DOK5: variants seen among roughly 807,000 people sequenced by gnomAD.
DOK5 encodes the protein downstream of tyrosine kinase 5.
DOK5 carries 27 observed loss-of-function variants against 43.3 expected under a neutral mutation model. The ratio of observed to expected loss-of-function variants is 0.62; its 90% CI spans 0.46 to 0.86. The LOEUF is 0.86. Ranked by LOEUF, DOK5 falls within the 40% of genes least tolerant of loss-of-function variation. The probability of loss-of-function intolerance (pLI) is 0.00; values close to 1 mark genes in which losing one functional copy is unlikely to be tolerated. For missense variants in DOK5, 373 were observed against 392.9 expected (o/e 0.95, Z 0.43); for synonymous variants, 146 against 140.1 (o/e 1.04, Z -0.30).
intron 6 of DOK5, among the ~76,000 whole-genome samples, chr20:54,626,948 G>T (rs1052175210): frequency 6.6e-6 from 1 of 152,198 alleles, no homozygotes; most frequent in South Asian, 2.1e-4. Flanking sequence ...ATGAGTTGTT[G>T]TTCACACTGA....
chr20:54,537,921 C>A (rs929692971), intron 1 of DOK5, among the ~76,000 whole-genome samples: 1 of 149,864 alleles, frequency 6.7e-6, no homozygotes, highest in Non-Finnish European at 1.5e-5. Context: ...TTACTGCAAC[C>A]TCTGCATCCT....
chr20:54,476,399 G>A (rs946876172), intron 1 of DOK5, among the ~76,000 whole-genome samples: 1 of 152,158 alleles, frequency 6.6e-6, no homozygotes, highest in Non-Finnish European at 1.5e-5. Flanking sequence ...TTTTCCGGGG[G>A]ATGGATCGGC....
chr20:54,563,283 C>T (rs1984974306), intron 2 of DOK5, among the ~76,000 whole-genome samples: 2 of 152,174 alleles, frequency 1.3e-5, no homozygotes, highest in African/African-American at 4.8e-5. Flanking sequence ...AACGAATTCA[C>T]CTCCCGAGGC....
intron 5 of DOK5, among the ~76,000 whole-genome samples, chr20:54,607,478 TA>T (rs1986507569): frequency 6.6e-6 from 1 of 151,410 alleles, no homozygotes; most frequent in South Asian, 2.1e-4. Context: ...CCATGTACAT[TA>T]AAGAAGAATG....
At chr20:54,610,645 C>T in intron 6 of DOK5, 122 bp downstream of exon 6, 5 of 1,123,382 alleles carry the variant, frequency 4.5e-6, no homozygotes, top group Non-Finnish European at 5.8e-6. Flanking sequence ...CTCTTCTCAA[C>T]AGTGTATCAC....
At chr20:54,586,810 T>G (rs762822483) in intron 2 of DOK5, among the ~76,000 whole-genome samples, 1 of 151,882 alleles carries the variant, frequency 6.6e-6, no homozygotes, top group African/African-American at 2.4e-5. Flanking sequence ...CAGTGTCTTC[T>G]GGGAACTGAA....
intron 1 of DOK5, among the ~76,000 whole-genome samples, chr20:54,553,947 G>A (rs1269867259): frequency 6.7e-6 from 1 of 148,880 alleles, no homozygotes; most frequent in Non-Finnish European, 1.5e-5. Flanking sequence ...GTTTAAAAAT[G>A]TCTCATTTTA....
At chr20:54,569,247 T>C (rs1186131711) in intron 2 of DOK5, among the ~76,000 whole-genome samples, 1 of 152,222 alleles carries the variant, frequency 6.6e-6, no homozygotes, top group African/African-American at 2.4e-5. Context: ...TAAATTATAG[T>C]GGCAGTTCCT....
intron 5 of DOK5, among the ~76,000 whole-genome samples, chr20:54,597,737 A>G (rs548121507): frequency 6.6e-6 from 1 of 152,118 alleles, no homozygotes; most frequent in South Asian, 2.1e-4. Flanking sequence ...AGGGAGAGAA[A>G]GCATCTTTTA....
At chr20:54,492,884 T>C (rs1449855527) in intron 1 of DOK5, among the ~76,000 whole-genome samples, 1 of 151,700 alleles carries the variant, frequency 6.6e-6, no homozygotes, top group Admixed American at 6.6e-5. Flanking sequence ...TGAAACCCTG[T>C]CTCTACTAAA....
At chr20:54,553,894 CTCAA>C (rs1411307596) in intron 1 of DOK5, among the ~76,000 whole-genome samples, 2 of 94,318 alleles carry the variant, frequency 2.1e-5, no homozygotes, top group African/African-American at 1.5e-4. Flanking sequence ...AAGACTCTGT[CTCAA>C]AAAAAAAAAA....
At chr20:54,638,109 G>A (rs370133894) in intron 6 of DOK5, among the ~76,000 whole-genome samples, 25 of 131,212 alleles carry the variant, frequency 1.9e-4, no homozygotes, top group Admixed American at 5.7e-4. Flanking sequence ...GTGACAGAGC[G>A]AGACTCTGTC....
At chr20:54,494,247 G>A (rs1982303952) in intron 1 of DOK5, among the ~76,000 whole-genome samples, 1 of 152,172 alleles carries the variant, frequency 6.6e-6, no homozygotes, top group African/African-American at 2.4e-5. Context: ...TGGACCTTCT[G>A]GGAAGGAGCT....
At chr20:54,524,117 T>C (rs1983503953) in intron 1 of DOK5, among the ~76,000 whole-genome samples, 1 of 152,078 alleles carries the variant, frequency 6.6e-6, no homozygotes, top group African/African-American at 2.4e-5. Flanking sequence ...GTTTATGCCC[T>C]CCCACTGTGA....
chr20:54,562,084 A>G (rs1443443487), intron 2 of DOK5, among the ~76,000 whole-genome samples: 3 of 152,256 alleles, frequency 2.0e-5, no homozygotes, highest in African/African-American at 7.2e-5. Context: ...CACAGCCAGG[A>G]GTATCCTGAC....
intron 1 of DOK5, among the ~76,000 whole-genome samples, chr20:54,504,678 T>C (rs2146681342): frequency 6.6e-6 from 1 of 152,306 alleles, no homozygotes; most frequent in East Asian, 1.9e-4. Flanking sequence ...CTTAAACGAA[T>C]GAAATGATGA....
chr20:54,607,508 GT>G (rs1397258210), intron 5 of DOK5, among the ~76,000 whole-genome samples: 1 of 151,470 alleles, frequency 6.6e-6, no homozygotes, highest in Non-Finnish European at 1.5e-5. Context: ...TATAGTTTTG[GT>G]TTCATTTGTT....
intron 6 of DOK5, among the ~76,000 whole-genome samples, chr20:54,620,673 C>G (rs907432218): frequency 6.6e-6 from 1 of 152,138 alleles, no homozygotes; most frequent in East Asian, 1.9e-4. Context: ...ATTAAATCCA[C>G]ACATCTTTTT....
intron 1 of DOK5, among the ~76,000 whole-genome samples, chr20:54,545,991 A>C (rs1041379042): frequency 6.6e-6 from 1 of 152,188 alleles, no homozygotes; most frequent in Non-Finnish European, 1.5e-5. Context: ...CATCAGCCTG[A>C]GTTTATGCAT....
Sources: allele counts gnomAD v4.1 joint callset (sites outside exome capture counted in the v4.1 genomes callset), GRCh38; gene constraint gnomAD v4.1.1; transcripts MANE v1.5; gene names NCBI Gene and HGNC (gene_info 2026-07-23, HGNC 2026-07-21).